DSE: variants seen among roughly 807,000 people sequenced by gnomAD.
DSE encodes dermatan sulfate epimerase, also known as dermatan-sulfate epimerase.
In DSE, 36 loss-of-function variants were observed where a neutral mutation model predicts 84.4. That is an observed-to-expected ratio of 0.43 (90% confidence interval 0.33 to 0.56). The LOEUF (loss-of-function observed/expected upper bound fraction) is 0.56, where lower values mean the gene tolerates loss of function less well. Ranked by LOEUF, DSE falls within the 20% of genes least tolerant of loss-of-function variation. DSE has a pLI of 0.06. For synonymous variants in DSE, 410 were observed against 430.1 expected (o/e 0.95, Z 0.58); for missense variants, 862 against 1,169.6 (o/e 0.74, Z 3.84).
At chr6:116,370,939 C>G (rs947766377), upstream of DSE, 39 of 985,306 alleles carry the variant, frequency 4.0e-5, no homozygotes, top group Admixed American at 6.1e-5. Context: ...CCCGCCGGCC[C>G]GGCTCTCAGT....
At position 116,430,861 on chromosome 6, in the gene DSE, A is replaced by C. The variant is rs1158820815; in HGVS notation, c.671-93A>C. The C allele has an allele frequency of 2.6e-6, 4 of 1,518,270 alleles. No homozygotes were observed. In the African/African-American group the frequency reaches 4.2e-5, roughly 16 times the overall value. The allele number at this position is 1,518,270 out of a possible 1,614,324, so 94.0% of individuals were successfully genotyped here. The stretch of plus-strand genomic sequence containing the variant: ...CAAAACGCGATTTGTAATATAAACT[A>C]GTTAGATAACTCAGAGGGTTTTATT... On this transcript the variant is annotated intron_variant, in intron 3 of 5. Coordinates refer to ENST00000644252, the MANE Select transcript of DSE (RefSeq NM_013352.4).
chr6:116,290,994 G>A (rs914189736), intron 2 of DSE, among the ~76,000 whole-genome samples: 4 of 152,140 alleles, frequency 2.6e-5, no homozygotes, highest in African/African-American at 9.7e-5. Flanking sequence ...ACAGAAGATT[G>A]GAGGCGTAGA....
rs893049583 is a variant in DSE at position 116,440,360 on chromosome 6, T to C, written c.*3015T>C. On this transcript the variant is annotated 3_prime_UTR_variant, in exon 6 of 6. Transcript: ENST00000644252. ...TCACCCAGGCTGAAGTGTAGTGGCG[T>C]GATCGTAGCTCACTGCAGCCGCAAA... The C allele has an allele frequency of 3.9e-5, 6 of 152,206 alleles. No individual in the cohort carries two copies. Among genetic ancestry groups the C allele is most frequent in the African/African-American group, 1.4e-4 (6 of 41,454 alleles). The allele number at this position is 152,206 out of a possible 1,614,324, so 9.4% of individuals were successfully genotyped here.
intron 1 of DSE, chr6:116,256,888 C>T (rs1435485222): frequency 6.6e-6 from 1 of 152,022 alleles, no homozygotes; most frequent in East Asian, 1.9e-4. Context: ...TGGCAATAAA[C>T]CTTACTAAGC....
At chr6:116,320,063 A>C (rs1445766356) in intron 2 of DSE, among the ~76,000 whole-genome samples, 2 of 152,204 alleles carry the variant, frequency 1.3e-5, no homozygotes, top group Non-Finnish European at 2.9e-5. Flanking sequence ...ACAGCACAAT[A>C]CCCAGCACAT....
chr6:116,267,014 A>G (rs1772654954), intron 2 of DSE, among the ~76,000 whole-genome samples: 2 of 152,248 alleles, frequency 1.3e-5, no homozygotes, highest in South Asian at 4.1e-4. Flanking sequence ...ATAAGGTCAT[A>G]GTATAACTCA....
chr6:116,267,506 C>T (rs1772681040), intron 2 of DSE, among the ~76,000 whole-genome samples: 1 of 151,926 alleles, frequency 6.6e-6, no homozygotes, highest in African/African-American at 2.4e-5. Context: ...TTTTGTACAG[C>T]TGTACAATAT....
intron 2 of DSE, among the ~76,000 whole-genome samples, chr6:116,281,197 A>G (rs1272605064): frequency 6.6e-6 from 1 of 152,146 alleles, no homozygotes; most frequent in Non-Finnish European, 1.5e-5. Flanking sequence ...GGAAATCGCT[A>G]TGTTGCTGGC....
At chr6:116,364,837 T>A (rs1056643563) in intron 2 of DSE, among the ~76,000 whole-genome samples, 1 of 150,924 alleles carries the variant, frequency 6.6e-6, no homozygotes, top group Non-Finnish European at 1.5e-5. Flanking sequence ...ACTTTTTTTT[T>A]TTTTTTTTTT....
intron 2 of DSE, among the ~76,000 whole-genome samples, chr6:116,421,442 CATATAT>C (rs1325657865): frequency 6.0e-4 from 30 of 50,138 alleles, no homozygotes; most frequent in African/African-American, 2.9e-3. Flanking sequence ...ACTATATATA[CATATAT>C]ATATATATAT....
intron 3 of DSE, among the ~76,000 whole-genome samples, chr6:116,427,788 G>T (rs1783543744): frequency 6.6e-6 from 1 of 152,182 alleles, no homozygotes; most frequent in African/African-American, 2.4e-5. Flanking sequence ...TGTTATCTCT[G>T]TCAGAAGGGG....
At chr6:116,370,796 G>A, upstream of DSE, 2 of 977,348 alleles carry the variant, frequency 2.0e-6, no homozygotes, top group South Asian at 4.7e-5. Flanking sequence ...GCCGGGGGAG[G>A]GGGTCCCCGT....
chr6:116,259,435 A>G (rs933833854), intron 2 of DSE, among the ~76,000 whole-genome samples: 42 of 152,194 alleles, frequency 2.8e-4, no homozygotes, highest in African/African-American at 9.6e-4. Context: ...TTTATGATAA[A>G]GTTCTGGAGG....
At chr6:116,370,366 C>T (rs1779447933), upstream of DSE, 2 of 725,346 alleles carry the variant, frequency 2.8e-6, no homozygotes, top group Non-Finnish European at 3.4e-6. Context: ...AACTGCTTCT[C>T]TATAGGTGAC....
chr6:116,426,363 C>A (rs1163887060), intron 2 of DSE, among the ~76,000 whole-genome samples: 1 of 152,090 alleles, frequency 6.6e-6, no homozygotes, highest in Admixed American at 6.5e-5. Flanking sequence ...TGCCAGAATC[C>A]TGAGAGAGAA....
At chr6:116,370,779 G>C, upstream of DSE, 3 of 963,546 alleles carry the variant, frequency 3.1e-6, no homozygotes, top group Non-Finnish European at 3.7e-6. Flanking sequence ...CCTGCGGTCG[G>C]GGTTCGGCCG....
At chr6:116,409,621 T>C (rs1314208615) in intron 2 of DSE, among the ~76,000 whole-genome samples, 1 of 152,206 alleles carries the variant, frequency 6.6e-6, no homozygotes, top group African/African-American at 2.4e-5. Context: ...GGGTATTTTA[T>C]TAGGCATTGG....
chr6:116,330,775 A>G lies in DSE; in HGVS notation c.-53-68423A>G, dbSNP rs557866624. Among the ~76,000 whole-genome samples the G allele has an allele frequency of 3.3e-5, 5 of 152,352 alleles. No homozygotes were observed. In the East Asian group the frequency reaches 9.6e-4, roughly 29 times the overall value. ...ATGCCTTTTCAGAAAACAGAAAAAC[A>G]AAGATGTTCTCCAACCTAGCTTATA... On this transcript the variant is annotated intron_variant, in intron 2 of 3. Transcript: ENST00000430252.
intron 2 of DSE, among the ~76,000 whole-genome samples, chr6:116,402,089 G>T (rs1385315467): frequency 6.6e-6 from 1 of 152,134 alleles, no homozygotes; most frequent in African/African-American, 2.4e-5. Context: ...ATCATGCACT[G>T]TGCTAGGGTG....
Sources: allele counts gnomAD v4.1 joint callset (sites outside exome capture counted in the v4.1 genomes callset), GRCh38; gene constraint gnomAD v4.1.1; transcripts MANE v1.5; gene names NCBI Gene and HGNC (gene_info 2026-07-23, HGNC 2026-07-21).